SOX6: variants seen among roughly 807,000 people sequenced by gnomAD.
The protein encoded by SOX6 is SRY-box transcription factor 6.
SOX6 carries 11 observed loss-of-function variants against 97.8 expected under a neutral mutation model. That is an observed-to-expected ratio of 0.11 (90% CI 0.07 to 0.19). The LOEUF (loss-of-function observed/expected upper bound fraction) is 0.19, where lower values mean the gene tolerates loss of function less well. Among genes scored for constraint, SOX6 ranks in the 10% least tolerant of loss-of-function variants. The pLI is 1.00. For synonymous variants in SOX6, 360 were observed against 371.4 expected (o/e 0.97, Z 0.35); for missense variants, 810 against 1,039.5 (o/e 0.78, Z 3.04).
intron 3 of SOX6, among the ~76,000 whole-genome samples, chr11:16,304,363 C>T (rs1173026769): frequency 1.3e-5 from 2 of 152,048 alleles, no homozygotes; most frequent in Non-Finnish European, 2.9e-5. Flanking sequence ...CATGAGGGCT[C>T]CACCTTCATG....
intron 3 of SOX6, among the ~76,000 whole-genome samples, chr11:16,691,108 T>A (rs1359692614): frequency 6.6e-6 from 1 of 152,236 alleles, no homozygotes; most frequent in East Asian, 1.9e-4. Context: ...TTGAGGATCA[T>A]TCCTGTTTTC....
At chr11:16,635,085 G>C (rs1335149440) in intron 3 of SOX6, among the ~76,000 whole-genome samples, 1 of 152,178 alleles carries the variant, frequency 6.6e-6, no homozygotes, top group Non-Finnish European at 1.5e-5. Flanking sequence ...TCTTGGGTAT[G>C]TCCTTATAGC....
chr11:16,438,864 C>T (rs754121886), intron 1 of SOX6, among the ~76,000 whole-genome samples: 1 of 152,148 alleles, frequency 6.6e-6, no homozygotes, highest in Admixed American at 6.5e-5. Flanking sequence ...CTCCTGATAC[C>T]TCTTCCAGCT....
chr11:16,558,090 A>G (rs1378599761), intron 4 of SOX6, among the ~76,000 whole-genome samples: 1 of 151,936 alleles, frequency 6.6e-6, no homozygotes, highest in Non-Finnish European at 1.5e-5. Context: ...ACTTAACTAG[A>G]TGTTCTAGCA....
intron 5 of SOX6, among the ~76,000 whole-genome samples, chr11:16,184,585 C>T (rs1851422391): frequency 6.6e-6 from 1 of 152,098 alleles, no homozygotes. Flanking sequence ...TTTCATAGTA[C>T]AGGATCTATA....
intron 3 of SOX6, among the ~76,000 whole-genome samples, chr11:16,637,903 G>T (rs945981939): frequency 1.3e-5 from 2 of 151,908 alleles, no homozygotes; most frequent in Non-Finnish European, 2.9e-5. Context: ...TTTGGACATA[G>T]GGTCTCATTC....
chr11:16,016,409 A>G (rs1002456816), intron 12 of SOX6, among the ~76,000 whole-genome samples: 1 of 152,084 alleles, frequency 6.6e-6, no homozygotes, highest in Non-Finnish European at 1.5e-5. Flanking sequence ...TACAATCACG[A>G]GTTTCCCTAA....
At chr11:16,298,455 T>C (rs1855162462) in intron 3 of SOX6, among the ~76,000 whole-genome samples, 1 of 152,136 alleles carries the variant, frequency 6.6e-6, no homozygotes, top group African/African-American at 2.4e-5. Flanking sequence ...ATCTAGAACA[T>C]ATTATCAGCT....
chr11:15,979,922 A>T (rs1037007488), intron 15 of SOX6, among the ~76,000 whole-genome samples: 13 of 152,062 alleles, frequency 8.5e-5, no homozygotes, highest in African/African-American at 3.1e-4. Context: ...ATTTGTTTGA[A>T]TTCTATCACT....
intron 3 of SOX6, among the ~76,000 whole-genome samples, chr11:16,651,062 A>C (rs1165338238): frequency 1.3e-5 from 2 of 152,250 alleles, no homozygotes; most frequent in African/African-American, 4.8e-5. Context: ...CAACCCTCCT[A>C]GATTAAATCA....
chr11:16,092,882 C>T (rs1848721653), intron 9 of SOX6, among the ~76,000 whole-genome samples: 1 of 151,480 alleles, frequency 6.6e-6, no homozygotes, highest in African/African-American at 2.4e-5. Flanking sequence ...GAGCTTAGTT[C>T]CCACGACAAT....
At chr11:16,298,529 A>G (rs1855163424) in intron 3 of SOX6, among the ~76,000 whole-genome samples, 1 of 152,086 alleles carries the variant, frequency 6.6e-6, no homozygotes, top group African/African-American at 2.4e-5. Context: ...AAAAATAAGT[A>G]CCCAAAGAAA....
At chr11:16,428,975 ATTTG>A (rs908826107) in intron 1 of SOX6, among the ~76,000 whole-genome samples, 112 of 152,296 alleles carry the variant, frequency 7.4e-4, no homozygotes, top group African/African-American at 2.4e-3. Context: ...ATGTTCTTCC[ATTTG>A]TTTGTATCCT....
intron 6 of SOX6, among the ~76,000 whole-genome samples, chr11:16,155,103 T>G (rs542101885): frequency 1.3e-5 from 2 of 152,228 alleles, no homozygotes; most frequent in Admixed American, 1.3e-4. Context: ...CAGGCCACTC[T>G]ATCTCTATGT....
At chr11:16,701,254 C>T (rs1848090782) in intron 3 of SOX6, among the ~76,000 whole-genome samples, 1 of 152,136 alleles carries the variant, frequency 6.6e-6, no homozygotes, top group Non-Finnish European at 1.5e-5. Flanking sequence ...TTTGCTTTGC[C>T]ACTTAGTATT....
intron 1 of SOX6, chr11:16,382,196 C>A (rs1432076649): frequency 6.6e-6 from 1 of 151,966 alleles, no homozygotes; most frequent in African/African-American, 2.4e-5. Flanking sequence ...TCAGAAAATA[C>A]CTTTGTCAAA....
intron 3 of SOX6, among the ~76,000 whole-genome samples, chr11:16,265,942 A>G (rs559710486): frequency 6.6e-6 from 1 of 151,984 alleles, no homozygotes; most frequent in Admixed American, 6.6e-5. Context: ...GAGCATCAGT[A>G]AGCTGTGAGA....
chr11:16,330,584 T>C (rs1856258900), intron 2 of SOX6, among the ~76,000 whole-genome samples: 1 of 151,864 alleles, frequency 6.6e-6, no homozygotes, highest in African/African-American at 2.4e-5. Context: ...AAAACAACAT[T>C]CAACTATTGA....
At chr11:16,576,557 C>T (rs184378036) in intron 4 of SOX6, among the ~76,000 whole-genome samples, 3 of 152,240 alleles carry the variant, frequency 2.0e-5, no homozygotes, top group African/African-American at 4.8e-5. Context: ...TGATGTTTAA[C>T]ATTATTCTTT....
Sources: gnomAD v4.1 joint callset for allele counts (sites outside exome capture counted in the v4.1 genomes callset) on GRCh38, gnomAD v4.1.1 for gene constraint, MANE v1.5 for transcripts, NCBI Gene and HGNC (gene_info 2026-07-23, HGNC 2026-07-21) for gene names.